The following PREX2 variants were observed in gnomAD, a reference collection of about 807,000 sequenced individuals.
The protein encoded by PREX2 is phosphatidylinositol 3,4,5-trisphosphate-dependent Rac exchanger 2 protein.
A neutral mutation model predicts 203.2 loss-of-function variants in PREX2; 107 were observed. The observed-to-expected ratio is 0.53, with a 90% CI of 0.45 to 0.62. The LOEUF (loss-of-function observed/expected upper bound fraction) is 0.62, where lower values mean the gene tolerates loss of function less well. PREX2 is among the 20% of genes least tolerant of loss of function. The pLI is 0.00. For synonymous variants in PREX2, 672 were observed against 663.6 expected (o/e 1.01, Z -0.19); for missense variants, 1,777 against 1,955.9 (o/e 0.91, Z 1.72).
intron 1 of PREX2, among the ~76,000 whole-genome samples, chr8:68,002,993 T>C (rs1806987326): frequency 6.6e-6 from 1 of 152,222 alleles, no homozygotes; most frequent in South Asian, 2.1e-4. Context: ...GGATTGGTGC[T>C]TACTATAATA....
At chr8:68,089,871 T>C (rs950025393) in intron 19 of PREX2, among the ~76,000 whole-genome samples, 3 of 152,220 alleles carry the variant, frequency 2.0e-5, no homozygotes, top group African/African-American at 7.2e-5. Context: ...TTGTTAATAT[T>C]GATTTGATCA....
intron 35 of PREX2, among the ~76,000 whole-genome samples, chr8:68,187,951 T>C (rs1282010426): frequency 1.3e-5 from 2 of 152,190 alleles, no homozygotes; most frequent in African/African-American, 4.8e-5. Flanking sequence ...TGAATGTTAT[T>C]GTACACTAGG....
intron 22 of PREX2, among the ~76,000 whole-genome samples, chr8:68,097,811 C>T (rs770037883): frequency 1.3e-5 from 2 of 152,186 alleles, no homozygotes; most frequent in Non-Finnish European, 2.9e-5. Context: ...ATTGTGAATC[C>T]AATTCAGATG....
chr8:68,216,329 T>C (rs2129615276), intron 37 of PREX2, among the ~76,000 whole-genome samples: 2 of 152,286 alleles, frequency 1.3e-5, no homozygotes, highest in South Asian at 4.2e-4. Flanking sequence ...GAACTTACTT[T>C]TATTTGCAGG....
intron 1 of PREX2, among the ~76,000 whole-genome samples, chr8:67,967,719 TA>T (rs1805814001): frequency 6.6e-6 from 1 of 152,226 alleles, no homozygotes; most frequent in Non-Finnish European, 1.5e-5. Context: ...AGACGTGAGT[TA>T]AAAGCTAAGG....
rs1037540289 is a variant in PREX2, at chr8:68,158,185, CCTT to C, written c.4346+753_4346+755del. On this transcript the variant is annotated intron_variant, in intron 35 of 39. Coordinates refer to ENST00000288368, the MANE Select transcript of PREX2 (RefSeq NM_024870.4). ...TATATATATTCACACACACATATCT[CCTT>C]CTTATCTTATGAATTACCCTGTTGA... Among the ~76,000 whole-genome samples the C allele has an allele frequency of 4.0e-5, 6 of 150,342 alleles. No individual in the cohort carries two copies. In the South Asian group the frequency reaches 8.4e-4, roughly 21 times the overall value.
chr8:68,096,580 A>T (rs1487136229), intron 21 of PREX2, among the ~76,000 whole-genome samples: 2 of 152,158 alleles, frequency 1.3e-5, no homozygotes, highest in African/African-American at 4.8e-5. Context: ...AAATAAAATG[A>T]TTCTTGCATC....
Position 68,099,691 on chromosome 8 carries a change from G to A in PREX2, c.2563G>A (p.Ala855Thr). 6.2e-7 allele frequency: 1 copy of A among 1,613,244 alleles called. No individual in the cohort carries two copies. The highest frequency in any genetic ancestry group is 8.5e-7 in the Non-Finnish European group (1 of 1,179,420). ...FFSLTAKILE[A>T]LAKSDEHFVQ... is the part of the protein sequence containing the mutation. ...GTGTTTGTCATTGCAGATTCTTGAA[G>A]CCCTGGCTAAAAGTGATGAGCATTT... The change falls in exon 23 of 40, where the codon GCC becomes ACC. Residue 855 changes from alanine (A) to threonine (T), a missense_variant. By Grantham distance (58) the Ala-to-Thr change is moderately conservative. Coordinates refer to ENST00000288368, the MANE Select transcript of PREX2 (RefSeq NM_024870.4).
chr8:68,151,966 T>A (rs1443758979), intron 34 of PREX2, among the ~76,000 whole-genome samples: 1 of 151,782 alleles, frequency 6.6e-6, no homozygotes, highest in Non-Finnish European at 1.5e-5. Context: ...TCAATTTTTT[T>A]TCTCCTAAAC....
intron 33 of PREX2, among the ~76,000 whole-genome samples, chr8:68,143,381 C>T (rs549423462): frequency 1.2e-4 from 19 of 152,268 alleles, no homozygotes; most frequent in South Asian, 1.2e-3. Flanking sequence ...CTACCCCTTT[C>T]GTCTTCTGCC....
Position 68,018,785 on chromosome 8 carries a change from G to A in PREX2, c.214-764G>A, listed in dbSNP as rs114742686. Among the ~76,000 whole-genome samples, 1,159 of 152,130 alleles carry A rather than the reference G, an allele frequency of 7.6e-3. 21 individuals are homozygous for A. The highest frequency in any genetic ancestry group is 0.026 in the African/African-American group (1,076 of 41,514). The stretch of plus-strand genomic sequence containing the variant: ...ACTATAATGATTAGTCATTTAAATT[G>A]TATGTACTATTCCTGATATTTATGA... On this transcript the variant is annotated intron_variant, in intron 2 of 39. Transcript: ENST00000288368.
intron 1 of PREX2, 163 bp downstream of exon 1, chr8:67,952,698 C>T: frequency 1.1e-6 from 1 of 945,682 alleles, no homozygotes. Context: ...TTCGCGGGCG[C>T]GGTGACCCCC....
At chr8:68,099,990 T>G (rs1177723984) in intron 23 of PREX2, 147 bp downstream of exon 23, 1 of 821,912 alleles carries the variant, frequency 1.2e-6, no homozygotes, top group Non-Finnish European at 2.1e-6. Flanking sequence ...TTAGAGTTTT[T>G]GAAATGGCTT....
intron 37 of PREX2, among the ~76,000 whole-genome samples, chr8:68,200,955 G>A (rs1302631868): frequency 7.2e-5 from 11 of 151,998 alleles, no homozygotes; most frequent in Admixed American, 4.6e-4. Context: ...TACTATTTGA[G>A]CATATTAATA....
In PREX2 at chr8:68,125,821, A is replaced by G. The variant is rs896061861; in HGVS notation, c.3725-1557A>G. ...TTCCCTGCATTTGTCCCAATATTCT[A>G]AAGAGTGTCTCTTCAGTTTTTCCCT... is the stretch of plus-strand genomic sequence containing the variant. On this transcript the variant is annotated intron_variant, in intron 30 of 39. Transcript: ENST00000288368. 5.9e-5 allele frequency among the ~76,000 whole-genome samples: 9 copies of G among 152,202 alleles called. No individual in the cohort carries two copies. The East Asian group carries it at 1.7e-3, about 29-fold the overall frequency.
intron 1 of PREX2, among the ~76,000 whole-genome samples, chr8:67,995,207 A>G (rs995394074): frequency 2.0e-5 from 3 of 152,086 alleles, no homozygotes; most frequent in Non-Finnish European, 4.4e-5. Context: ...GAATCACTTG[A>G]GTTTTCATGA....
intron 10 of PREX2, among the ~76,000 whole-genome samples, chr8:68,058,372 C>A (rs920773862): frequency 3.3e-5 from 5 of 152,076 alleles, no homozygotes; most frequent in Non-Finnish European, 7.4e-5. Context: ...ATGTGCCAGG[C>A]CCCGTGCTGA....
intron 4 of PREX2, among the ~76,000 whole-genome samples, chr8:68,026,830 C>T (rs1182396180): frequency 1.3e-5 from 2 of 152,150 alleles, no homozygotes; most frequent in Non-Finnish European, 1.5e-5. Context: ...TGTCTTGATA[C>T]TTGCCCTTCT....
chr8:68,083,339 T>G lies in PREX2; in HGVS notation c.1978T>G (p.Leu660Val). The change falls in exon 18 of 40, where the codon TTA becomes GTA. Residue 660 changes from leucine (L) to valine (V), a missense_variant. Coordinates refer to ENST00000288368, the MANE Select transcript of PREX2 (RefSeq NM_024870.4). The part of the protein sequence containing the change: ...NEVDCFLKSC[L>V]NSRKPLRVLV... ...AGTGGATTGCTTCCTGAAATCGTGT[T>G]TAAACAGCAGAAAACCTCTAAGAGT... is the stretch of plus-strand genomic sequence containing the variant. The G allele has an allele frequency of 6.2e-7, 1 of 1,612,080 alleles. No individual in the cohort carries two copies. The highest frequency in any genetic ancestry group is 8.5e-7 in the Non-Finnish European group (1 of 1,178,614).
Sources: allele counts gnomAD v4.1 joint callset (sites outside exome capture counted in the v4.1 genomes callset), GRCh38; gene constraint gnomAD v4.1.1; transcripts MANE v1.5; gene names NCBI Gene and HGNC (gene_info 2026-07-23, HGNC 2026-07-21).